ERICH3: variants seen among roughly 807,000 people sequenced by gnomAD.
ERICH3 encodes glutamate-rich protein 3.
ERICH3 carries 126 observed loss-of-function variants against 131.1 expected under a neutral mutation model. The observed-to-expected ratio is 0.96, with a 90% CI of 0.83 to 1.11. ERICH3 has a LOEUF of 1.11. ERICH3 is among the 50% of genes most tolerant of loss of function. The pLI, the probability that ERICH3 is intolerant of heterozygous loss-of-function variation, is 0.00. For missense variants in ERICH3, 2,050 were observed against 1,810.7 expected (o/e 1.13, Z -2.40); for synonymous variants, 695 against 644.6 (o/e 1.08, Z -1.18).
chr1:74,589,785 CTCCGT>C lies in ERICH3; in HGVS notation c.2017_2021del (p.Thr673GlufsTer12), dbSNP rs1203269628. ...CCTCTGCAATCTCTTGGGTTCCTTT[CTCCGT>C]TCCTTCTTTAAGAACATTCTCAAAG... On this transcript the variant is annotated frameshift_variant, in exon 12 of 15. Coordinates refer to ENST00000326665, the MANE Select transcript of ERICH3 (RefSeq NM_001002912.5). LOFTEE classifies it high-confidence loss of function. 1 of 1,614,102 alleles carries C rather than the reference CTCCGT, an allele frequency of 6.2e-7. No homozygotes were observed. Among genetic ancestry groups the C allele is most frequent in the Non-Finnish European group, 8.5e-7 (1 of 1,179,974 alleles).
chr1:74,632,864 G>A (rs1646353566), intron 6 of ERICH3, among the ~76,000 whole-genome samples: 2 of 151,808 alleles, frequency 1.3e-5, no homozygotes, highest in Non-Finnish European at 2.9e-5. Context: ...AGTTTAATCA[G>A]CATGTACTAT....
At position 74,631,039 on chromosome 1, in the gene ERICH3, A is replaced by G. The variant is rs977623171; in HGVS notation, c.819+674T>C. On this transcript the variant is annotated intron_variant, in intron 7 of 14. Transcript: ENST00000326665. ...AAGTGAAGTTGGTTTTTAAGAATCT[A>G]TGTGCATGCTGGCACTTCACTTCCT... Among the ~76,000 whole-genome samples the G allele has an allele frequency of 6.6e-5, 10 of 152,172 alleles. No homozygotes were observed. In the South Asian group the frequency reaches 1.2e-3, roughly 19 times the overall value.
At chr1:74,668,454 A>T (rs1193892367) in intron 1 of ERICH3, among the ~76,000 whole-genome samples, 2 of 152,228 alleles carry the variant, frequency 1.3e-5, no homozygotes, top group Non-Finnish European at 2.9e-5. Flanking sequence ...TTGCAAGTCA[A>T]ACACTGTAGT....
intron 6 of ERICH3, among the ~76,000 whole-genome samples, chr1:74,632,891 C>A (rs956115541): frequency 6.6e-6 from 1 of 151,796 alleles, no homozygotes; most frequent in Non-Finnish European, 1.5e-5. Context: ...CATTAAAAAA[C>A]ACCAAAGGTA....
rs186312079 is a variant in ERICH3 at position 74,614,982 on chromosome 1, A to G, written c.1001-2173T>C. Among the ~76,000 whole-genome samples the G allele has an allele frequency of 4.8e-3, 730 of 152,268 alleles. 1 individual carries two copies. Among genetic ancestry groups the G allele is most frequent in the Non-Finnish European group, 6.7e-3 (455 of 68,018 alleles). ...CAGTATCATGCTCCATAACTTCCTA[A>G]GTTCCCAGTTCAGGAAGAGAGTGCA... On this transcript the variant is annotated intron_variant, in intron 8 of 14. Coordinates refer to ENST00000326665, the MANE Select transcript of ERICH3 (RefSeq NM_001002912.5).
chr1:74,611,666 C>T (rs1648702369), intron 9 of ERICH3, among the ~76,000 whole-genome samples: 1 of 152,156 alleles, frequency 6.6e-6, no homozygotes, highest in Non-Finnish European at 1.5e-5. Flanking sequence ...ACCTTAGACA[C>T]AACAAACACG....
chr1:74,587,879 T>C (rs1369329907), intron 12 of ERICH3, among the ~76,000 whole-genome samples: 1 of 152,220 alleles, frequency 6.6e-6, no homozygotes, highest in Non-Finnish European at 1.5e-5. Context: ...TTGATTTATA[T>C]ATGACAAAAA....
intron 1 of ERICH3, among the ~76,000 whole-genome samples, chr1:74,671,636 T>C (rs573054845): frequency 4.6e-4 from 70 of 152,254 alleles, no homozygotes; most frequent in African/African-American, 1.6e-3. Context: ...TCTGTAAAAA[T>C]GAGGGTAACT....
At chr1:74,606,983 T>C (rs1207477981) in intron 9 of ERICH3, 81 bp from the exon 10 acceptor site, 4 of 1,290,886 alleles carry the variant, frequency 3.1e-6, no homozygotes, top group Non-Finnish European at 4.3e-6. Flanking sequence ...AAAGCACTTA[T>C]CTCTTATTCC....
chr1:74,643,184 T>A, intron 3 of ERICH3, 86 bp from the exon 4 acceptor site: 1 of 898,748 alleles, frequency 1.1e-6, no homozygotes, highest in Non-Finnish European at 1.7e-6. Context: ...AACAGATAAC[T>A]ATATTCTCAA....
intron 12 of ERICH3, among the ~76,000 whole-genome samples, chr1:74,581,002 A>G (rs1017116677): frequency 6.6e-6 from 1 of 152,138 alleles, no homozygotes; most frequent in African/African-American, 2.4e-5. Flanking sequence ...TGTCATATCC[A>G]TCTGGCAAAT....
chr1:74,599,761 C>T lies in ERICH3; in HGVS notation c.1660G>A (p.Ala554Thr). 1.9e-6 allele frequency: 3 copies of T among 1,612,420 alleles called. No individual in the cohort carries two copies. The highest frequency in any genetic ancestry group is 2.5e-6 in the Non-Finnish European group (3 of 1,178,992). Residue 554 changes from alanine to threonine, a missense_variant, in exon 11 of 15, where the codon GCC becomes ACC. Transcript: ENST00000326665. ...SETSSQKAPD[A>T]RDNVKDENDG... ...TTCTCATCTTTCACATTGTCACGGGCATCTGGTGCCTTCTGTGATGAGGTT... is the reference window on the plus strand; with the variant it reads ...TTCTCATCTTTCACATTGTCACGGGTATCTGGTGCCTTCTGTGATGAGGTT...
At chr1:74,630,131 C>T (rs1006666463) in intron 7 of ERICH3, among the ~76,000 whole-genome samples, 1 of 152,102 alleles carries the variant, frequency 6.6e-6, no homozygotes, top group Non-Finnish European at 1.5e-5. Context: ...TACATTTTAA[C>T]ATCCGAAAAT....
intron 11 of ERICH3, among the ~76,000 whole-genome samples, chr1:74,599,013 TGTGC>T: frequency 6.6e-6 from 1 of 152,074 alleles, no homozygotes; most frequent in African/African-American, 2.4e-5. Flanking sequence ...ATACTTAATA[TGTGC>T]ACAGTTAAAC....
intron 12 of ERICH3, among the ~76,000 whole-genome samples, chr1:74,587,892 C>T (rs914686174): frequency 2.0e-5 from 3 of 152,072 alleles, no homozygotes; most frequent in African/African-American, 7.2e-5. Flanking sequence ...GACAAAAATC[C>T]TTTTGAAGAT....
chr1:74,576,457 G>A (rs936815986), intron 13 of ERICH3, among the ~76,000 whole-genome samples: 3 of 152,114 alleles, frequency 2.0e-5, no homozygotes, highest in African/African-American at 7.2e-5. Flanking sequence ...AGTGTTACCT[G>A]GCCCTCTTCA....
rs766954009 is a variant in ERICH3, at chr1:74,572,690, T to C, written c.3020A>G (p.Gln1007Arg). ...TTCCTCAGGGCTGCCCTCCGAAACC[T>C]GCATCCGGCTTGCCTCTGCCTCTCC... is the stretch of plus-strand genomic sequence containing the variant. ...FTGEAEASRM[Q>R]VSEGSPEEGS... is the part of the protein sequence containing the mutation. Residue 1007 changes from glutamine to arginine, a missense_variant, in exon 14 of 15, where the codon CAG becomes CGG. Coordinates refer to ENST00000326665, the MANE Select transcript of ERICH3 (RefSeq NM_001002912.5). 6.2e-7 allele frequency: 1 copy of C among 1,613,838 alleles called. No individual in the cohort carries two copies. Among genetic ancestry groups the C allele is most frequent in the Non-Finnish European group, 8.5e-7 (1 of 1,179,950 alleles).
intron 11 of ERICH3, among the ~76,000 whole-genome samples, chr1:74,596,654 T>C (rs1193989087): frequency 6.6e-6 from 1 of 152,078 alleles, no homozygotes; most frequent in Non-Finnish European, 1.5e-5. Flanking sequence ...CATAAAAGTA[T>C]ATTCTCAGTG....
At chr1:74,659,293 G>T (rs1011858853) in intron 1 of ERICH3, among the ~76,000 whole-genome samples, 12 of 151,684 alleles carry the variant, frequency 7.9e-5, no homozygotes, top group African/African-American at 2.9e-4. Flanking sequence ...AGCACCTCCT[G>T]CTACTGTCTC....
Sources: allele counts gnomAD v4.1 joint callset (sites outside exome capture counted in the v4.1 genomes callset), GRCh38; gene constraint gnomAD v4.1.1; transcripts MANE v1.5; gene names NCBI Gene and HGNC (gene_info 2026-07-23, HGNC 2026-07-21).